Variants in FILIP1L observed in about 807,000 individuals in gnomAD.
FILIP1L encodes filamin A-interacting protein 1-like.
FILIP1L carries 55 observed loss-of-function variants against 96.6 expected under a neutral mutation model. The observed-to-expected ratio is 0.57, with a 90% CI of 0.46 to 0.71. The LOEUF (loss-of-function observed/expected upper bound fraction) is 0.71. Ranked by LOEUF, FILIP1L falls within the 30% of genes least tolerant of loss-of-function variation. The pLI is 0.00. For synonymous variants in FILIP1L, 467 were observed against 473.9 expected, an observed-to-expected ratio of 0.99 and a Z score of 0.19; for missense variants, 1,304 against 1,321.2, an observed-to-expected ratio of 0.99 and a Z score of 0.20.
rs1444795914 is a variant in FILIP1L at position 99,848,872 on chromosome 3, A to G, written c.2804T>C (p.Val935Ala). 1.2e-6 allele frequency: 2 copies of G among 1,613,876 alleles called. No homozygotes were observed. The highest frequency in any genetic ancestry group is 1.7e-6 in the Non-Finnish European group (2 of 1,179,976). ...ESPHSYTSTA[V>A]IPNCGTPKQR... ...CTTTGGCGTGCCACAGTTCGGTATC[A>G]CTGCAGTACTCGTGTAAGAGTGAGG... The change falls in exon 5 of 6, where the codon GTG becomes GCG. Residue 935 changes from valine (V) to alanine (A), a missense_variant. Physicochemically the swap from Val to Ala is moderately conservative, Grantham distance 64. Coordinates refer to ENST00000477258, the MANE Select transcript of FILIP1L (RefSeq NM_001387850.1).
intron 1 of FILIP1L, among the ~76,000 whole-genome samples, chr3:99,961,332 C>G (rs1708483831): frequency 6.6e-6 from 1 of 152,086 alleles, no homozygotes; most frequent in Admixed American, 6.5e-5. Flanking sequence ...TTTTTTAACC[C>G]CAATACTCCA....
chr3:99,937,549 G>T (rs1199062559), intron 1 of FILIP1L, among the ~76,000 whole-genome samples: 1 of 152,176 alleles, frequency 6.6e-6, no homozygotes. Flanking sequence ...GGCCTTGGGC[G>T]TCAGTGAGCC....
At chr3:100,090,565 C>G (rs1025953370) in intron 1 of FILIP1L, among the ~76,000 whole-genome samples, 3 of 152,182 alleles carry the variant, frequency 2.0e-5, no homozygotes, top group African/African-American at 7.2e-5. Flanking sequence ...TTCTGCAATC[C>G]CCTGCCTGGG....
chr3:99,849,662 A>G lies in FILIP1L; in HGVS notation c.2014T>C (p.Phe672Leu). 6.2e-7 allele frequency: 1 copy of G among 1,613,334 alleles called. No individual in the cohort carries two copies. Among genetic ancestry groups the G allele is most frequent in the Non-Finnish European group, 8.5e-7 (1 of 1,179,912 alleles). Residue 672 changes from phenylalanine (F) to leucine (L), a missense_variant, in exon 5 of 6, where the codon TTT (phenylalanine) becomes CTT (leucine). Physicochemically the swap from Phe to Leu is conservative, Grantham distance 22. Transcript: ENST00000477258. ...ACATGTTCTAGCTCTTTAGATAAAA[A>G]TTGAGCTTTGTCTCGTTCATTAGCA... ...RYANERDKAQ[F>L]LSKELEHVKM...
chr3:100,028,660 T>C (rs563082805), intron 1 of FILIP1L, among the ~76,000 whole-genome samples: 1 of 152,304 alleles, frequency 6.6e-6, no homozygotes, highest in East Asian at 1.9e-4. Context: ...GAGACAATAA[T>C]GGAATAGCAT....
intron 1 of FILIP1L, among the ~76,000 whole-genome samples, chr3:100,047,554 A>G (rs2065296978): frequency 6.6e-6 from 1 of 152,232 alleles, no homozygotes; most frequent in Middle Eastern, 3.2e-3. Context: ...AGTGGCCACA[A>G]ATAAAACACT....
At chr3:100,086,421 G>GA (rs374149787) in intron 1 of FILIP1L, among the ~76,000 whole-genome samples, 2 of 151,696 alleles carry the variant, frequency 1.3e-5, no homozygotes, top group African/African-American at 4.8e-5. Context: ...CATAAAGGGG[G>GA]AAAAAAAATC....
intron 4 of FILIP1L, among the ~76,000 whole-genome samples, chr3:99,899,540 T>C (rs1472086139): frequency 6.6e-6 from 1 of 152,222 alleles, no homozygotes; most frequent in Non-Finnish European, 1.5e-5. Flanking sequence ...AAATGGTAGC[T>C]GTTGTGATTG....
At chr3:99,995,122 C>T (rs1360535370) in intron 1 of FILIP1L, among the ~76,000 whole-genome samples, 1 of 152,190 alleles carries the variant, frequency 6.6e-6, no homozygotes, top group Admixed American at 6.5e-5. Context: ...AGGCAAGTCC[C>T]TTCCACCTAT....
intron 5 of FILIP1L, among the ~76,000 whole-genome samples, chr3:99,835,658 A>G (rs1244302330): frequency 6.6e-6 from 1 of 152,248 alleles, no homozygotes; most frequent in Non-Finnish European, 1.5e-5. Flanking sequence ...AAGGTGGTCA[A>G]TGACTGCATT....
Position 99,963,716 on chromosome 3 carries a change from G to A in FILIP1L, c.-10-32686C>T, listed in dbSNP as rs115161367. On this transcript the variant is annotated intron_variant, in intron 1 of 5. Transcript: ENST00000477258. ...AGCCTCGCCTCCAGGGTCCTGGTTC[G>A]AGCAATTCTCCTGTCTCAGCTTCCT... Among the ~76,000 whole-genome samples the A allele has an allele frequency of 7.9e-5, 12 of 151,962 alleles. No homozygotes were observed. In the East Asian group the frequency reaches 2.1e-3, roughly 27 times the overall value.
intron 4 of FILIP1L, among the ~76,000 whole-genome samples, chr3:99,871,730 G>A (rs1944797091): frequency 6.6e-6 from 1 of 152,184 alleles, no homozygotes; most frequent in Non-Finnish European, 1.5e-5. Context: ...AAGGTCATTT[G>A]TCAAGTTAGT....
intron 4 of FILIP1L, among the ~76,000 whole-genome samples, chr3:99,921,091 A>T (rs577605098): frequency 1.3e-5 from 2 of 152,290 alleles, no homozygotes; most frequent in African/African-American, 4.8e-5. Flanking sequence ...TGAGGAAGGA[A>T]GTAAACATTG....
chr3:99,941,278 T>C (rs187144677), intron 1 of FILIP1L, among the ~76,000 whole-genome samples: 1 of 152,324 alleles, frequency 6.6e-6, no homozygotes, highest in Admixed American at 6.5e-5. Flanking sequence ...CAGCTTATTA[T>C]ATTAATAGTA....
rs190077347 is a variant in FILIP1L at position 100,101,769 on chromosome 3, G to A, written c.-11+12284C>T. On this transcript the variant is annotated intron_variant, in intron 1 of 5. Coordinates refer to ENST00000477258, the MANE Select transcript of FILIP1L (RefSeq NM_001387850.1). ...GTATCTCCTAATGCTATCCCTCCCC[G>A]CTCCCCTCACCCCACAACAGGCCCC... Among the ~76,000 whole-genome samples, 13 of 151,666 alleles carry A rather than the reference G, an allele frequency of 8.6e-5. No individual in the cohort carries two copies. In the South Asian group the frequency reaches 1.7e-3, roughly 19 times the overall value.
intron 4 of FILIP1L, among the ~76,000 whole-genome samples, chr3:99,853,082 C>T (rs704582): frequency 0.81 from 123,917 of 152,154 alleles, 50,792 homozygotes; most frequent in African/African-American, 0.91. Flanking sequence ...CCATCCCTAT[C>T]TGAGACACAT....
Position 99,941,592 on chromosome 3 carries a change from C to G in FILIP1L, c.-10-10562G>C, listed in dbSNP as rs544800705. ...AAAGGTCAACTGTGGGTATGCATCA[C>G]AGGGCTGTTTATAATAAGGGAGATG... On this transcript the variant is annotated intron_variant, in intron 1 of 5. Transcript: ENST00000477258. Among the ~76,000 whole-genome samples, 6 of 152,250 alleles carry G rather than the reference C, an allele frequency of 3.9e-5. No individual in the cohort carries two copies. The South Asian group carries it at 1.0e-3, about 26-fold the overall frequency.
chr3:99,828,918 T>G lies in FILIP1L; in HGVS notation c.*1496A>C, dbSNP rs1020458194. On this transcript the variant is annotated 3_prime_UTR_variant, in exon 6 of 6. Coordinates refer to ENST00000477258, the MANE Select transcript of FILIP1L (RefSeq NM_001387850.1). ...CCATCATCCCTCTCAATGCTGCCTA[T>G]CATCCCTCTCAATGCTGCCCATCAT... Among the ~76,000 whole-genome samples the G allele has an allele frequency of 2.0e-5, 3 of 151,948 alleles. No individual in the cohort carries two copies. Among genetic ancestry groups the G allele is most frequent in the Non-Finnish European group, 4.4e-5 (3 of 67,964 alleles).
chr3:99,883,301 G>A (rs1475672919), intron 4 of FILIP1L, among the ~76,000 whole-genome samples: 1 of 152,074 alleles, frequency 6.6e-6, no homozygotes, highest in Non-Finnish European at 1.5e-5. Flanking sequence ...ATCTTTCCAT[G>A]ACACCATGTT....
Sources: allele counts gnomAD v4.1 joint callset (sites outside exome capture counted in the v4.1 genomes callset), GRCh38; gene constraint gnomAD v4.1.1; transcripts MANE v1.5; gene names NCBI Gene and HGNC (gene_info 2026-07-23, HGNC 2026-07-21).